CEP250: variants seen among roughly 807,000 people sequenced by gnomAD.
The protein encoded by CEP250 is centrosome-associated protein CEP250.
CEP250 carries 242 observed loss-of-function variants against 315.7 expected under a neutral mutation model. That is an observed-to-expected ratio of 0.77 (90% CI 0.69 to 0.85). The LOEUF (loss-of-function observed/expected upper bound fraction) is 0.85, where lower values mean the gene tolerates loss of function less well. CEP250 is among the 40% of genes least tolerant of loss of function. The pLI, the probability that CEP250 is intolerant of heterozygous loss-of-function variation, is 0.00. For synonymous variants in CEP250, 1,088 were observed against 1,175.0 expected (o/e 0.93, Z 1.51); for missense variants, 2,515 against 2,886.4 (o/e 0.87, Z 2.95).
chr20:35,457,624 C>CT (rs999273337), intron 1 of CEP250, among the ~76,000 whole-genome samples: 4 of 152,066 alleles, frequency 2.6e-5, no homozygotes, highest in Non-Finnish European at 5.9e-5. Flanking sequence ...TGGTGAAACT[C>CT]TGTCTCTACT....
Position 35,504,306 on chromosome 20 carries a change from GA to G in CEP250, c.5940del (p.Glu1981SerfsTer10), listed in dbSNP as rs773186736. ...GCAAGGCTCATGCTGCCCTGCAGGG[GA>G]AAGAGCAGCATCTCCTCGAGCAGGC... ...LGKAHAALQG[K>X]EQHLLEQAEL... On this transcript the variant is annotated frameshift_variant, in exon 30 of 35. Transcript: ENST00000397527. LOFTEE classifies it high-confidence loss of function. 6.3e-7 allele frequency: 1 copy of G among 1,588,626 alleles called. No individual in the cohort carries two copies. Among genetic ancestry groups the G allele is most frequent in the Non-Finnish European group, 8.6e-7 (1 of 1,167,858 alleles).
intron 20 of CEP250, among the ~76,000 whole-genome samples, chr20:35,483,097 G>GATCACCTGAGGTC (rs1449433247): frequency 1.3e-5 from 2 of 151,758 alleles, no homozygotes; most frequent in African/African-American, 4.8e-5. Flanking sequence ...GAGGTGGGCG[G>GATCACCTGAGGTC]ATCACCTGAG....
At position 35,500,062 on chromosome 20, in the gene CEP250, A is replaced by C; in HGVS notation, c.3791A>C (p.Asp1264Ala). 1 of 1,614,120 alleles carries C rather than the reference A, an allele frequency of 6.2e-7. No homozygotes were observed. The highest frequency in any genetic ancestry group is 2.2e-5 in the East Asian group (1 of 44,878). Residue 1264 changes from aspartate to alanine, a missense_variant, in exon 28 of 35, where the codon GAT becomes GCT. By Grantham distance (126) the Asp-to-Ala change is moderately radical. Coordinates refer to ENST00000397527, the MANE Select transcript of CEP250 (RefSeq NM_007186.6). ...TTCCTTTCCCAGGATGTTCTGAGGG[A>C]TCAGGTCCAGAAACTGGAAGAGCGT... ...KTQQTRDVLRDQVQKLEERLT... is the reference protein window; with the variant it reads ...KTQQTRDVLRAQVQKLEERLT...
chr20:35,469,825 C>T, intron 9 of CEP250, 65 bp from the exon 10 acceptor site: 2 of 1,081,898 alleles, frequency 1.8e-6, no homozygotes, highest in South Asian at 3.1e-5. Context: ...CTGGGGTGTG[C>T]TGCATCGTAG....
Position 35,511,678 on chromosome 20 carries a change from C to T in CEP250, c.*52C>T. 2 of 1,550,788 alleles carry T rather than the reference C, an allele frequency of 1.3e-6. No individual in the cohort carries two copies. The highest frequency in any genetic ancestry group is 1.2e-5 in the South Asian group (1 of 81,486). On this transcript the variant is annotated 3_prime_UTR_variant, in exon 35 of 35. Coordinates refer to ENST00000397527, the MANE Select transcript of CEP250 (RefSeq NM_007186.6). ...GAAGACTGTGTCATGGGTCATGGCC[C>T]CTCCGCACACCTACAGGTTTGCCAA...
intron 1 of CEP250, among the ~76,000 whole-genome samples, chr20:35,457,723 G>A (rs1191867253): frequency 2.0e-5 from 3 of 151,766 alleles, no homozygotes; most frequent in Admixed American, 1.3e-4. Context: ...TGCCTGAACC[G>A]GGGAGGCAGA....
At chr20:35,455,510 TGGGA>T (rs1454566134), upstream of CEP250, 1 of 152,342 alleles carries the variant, frequency 6.6e-6, no homozygotes, top group Non-Finnish European at 1.5e-5. Context: ...AATCCCAGGC[TGGGA>T]GGGTGAGGCG....
intron 25 of CEP250, 63 bp downstream of exon 25, chr20:35,496,778 A>G: frequency 6.4e-7 from 1 of 1,556,818 alleles, no homozygotes; most frequent in Non-Finnish European, 8.7e-7. Flanking sequence ...GAAGCGGTGG[A>G]TTGATTGCTC....
chr20:35,502,133 A>G (rs1395151074), intron 29 of CEP250, among the ~76,000 whole-genome samples, 167 bp downstream of exon 29: 2 of 152,090 alleles, frequency 1.3e-5, no homozygotes, highest in Non-Finnish European at 2.9e-5. Flanking sequence ...TCCTCCTTCA[A>G]TTGCTTTTTC....
chr20:35,507,499 T>C (rs1172468305), intron 30 of CEP250, among the ~76,000 whole-genome samples: 2 of 152,200 alleles, frequency 1.3e-5, no homozygotes, highest in African/African-American at 4.8e-5. Flanking sequence ...TGAAGTGAGC[T>C]GGGGGCTCTG....
intron 26 of CEP250, 89 bp downstream of exon 26, chr20:35,498,156 C>T (rs1255126988): frequency 1.0e-6 from 1 of 966,532 alleles, no homozygotes; most frequent in Non-Finnish European, 1.5e-6. Context: ...TTTGTTAGAC[C>T]ATATTGCTTC....
chr20:35,462,539 A>C lies in CEP250; in HGVS notation c.172A>C (p.Lys58Gln). The change falls in exon 4 of 35, where the codon AAG (lysine) becomes CAG (glutamine). Residue 58 changes from lysine to glutamine, a missense_variant. Physicochemically the swap from Lys to Gln is moderately conservative, Grantham distance 53. Transcript: ENST00000397527. ...GCAGAGACAAGCAACCCTTGTGAGG[A>C]AGCTGCAGGCCAAGGTGAGGCAGCT... Reference protein sequence around the residue: ...AQQRQATLVRKLQAKVLQYRS... With the variant: ...AQQRQATLVRQLQAKVLQYRS... 6.2e-7 allele frequency: 1 copy of C among 1,605,206 alleles called. No homozygotes were observed. The highest frequency in any genetic ancestry group is 1.7e-4 in the Middle Eastern group (1 of 6,040).
At chr20:35,470,389 C>G (rs1408852598) in intron 10 of CEP250, among the ~76,000 whole-genome samples, 1 of 152,120 alleles carries the variant, frequency 6.6e-6, no homozygotes, top group Admixed American at 6.5e-5. Context: ...AGCTTGAGGC[C>G]CTGTGAAGGC....
At chr20:35,509,405 T>C (rs75572854) in intron 33 of CEP250, among the ~76,000 whole-genome samples, 1 of 152,224 alleles carries the variant, frequency 6.6e-6, no homozygotes, top group Non-Finnish European at 1.5e-5. Flanking sequence ...AGGAGCTTGA[T>C]CACAGCTTGA....
At chr20:35,511,258 C>A in intron 34 of CEP250, 105 bp from the exon 35 acceptor site, 1 of 948,328 alleles carries the variant, frequency 1.1e-6, no homozygotes. Flanking sequence ...AGAGTTGATT[C>A]AGATGATCAG....
At chr20:35,510,552 C>T (rs1174359750) in intron 34 of CEP250, among the ~76,000 whole-genome samples, 1 of 152,238 alleles carries the variant, frequency 6.6e-6, no homozygotes, top group Admixed American at 6.5e-5. Flanking sequence ...GTCCACTCTC[C>T]CTTTCAAGTT....
chr20:35,477,758 T>C, intron 16 of CEP250, 113 bp from the exon 17 acceptor site: 1 of 845,432 alleles, frequency 1.2e-6, no homozygotes, highest in Non-Finnish European at 1.9e-6. Flanking sequence ...CACTCCTTTG[T>C]TCATCTTTGG....
rs34747030 is a variant in CEP250, at chr20:35,491,895, C to CAAA, written c.2889+570_2889+572dup. 1.8e-3 allele frequency among the ~76,000 whole-genome samples: 116 copies of CAAA among 63,244 alleles called. 6 individuals are homozygous for CAAA. Among genetic ancestry groups the CAAA allele is most frequent in the South Asian group, 3.9e-3 (5 of 1,298 alleles). 41.5% of individuals were successfully genotyped at this position (63,244 alleles called of 152,430 possible). ...CCAGCCTTGGTGATAGAGCGAGTCT[C>CAAA]AAAAAAAAAAAAAAAAAAAAAAAGG... On this transcript the variant is annotated intron_variant, in intron 22 of 34. Coordinates refer to ENST00000397527, the MANE Select transcript of CEP250 (RefSeq NM_007186.6).
Position 35,512,436 on chromosome 20 carries a change from A to G in CEP250, c.*810A>G, listed in dbSNP as rs1429983167. ...AAAAACACAGCGTTGACCTTTAGCT[A>G]AAGTCAGAGTCTCTGAGTTCAGAAG... On this transcript the variant is annotated 3_prime_UTR_variant, in exon 35 of 35. Coordinates refer to ENST00000397527, the MANE Select transcript of CEP250 (RefSeq NM_007186.6). 2.0e-5 allele frequency: 3 copies of G among 152,196 alleles called. No individual in the cohort carries two copies. The highest frequency in any genetic ancestry group is 2.9e-5 in the Non-Finnish European group (2 of 68,036). 9.4% of individuals were successfully genotyped at this position (152,196 alleles called of 1,614,324 possible).
Sources: gnomAD v4.1 joint callset for allele counts (sites outside exome capture counted in the v4.1 genomes callset) on GRCh38, gnomAD v4.1.1 for gene constraint, MANE v1.5 for transcripts, NCBI Gene and HGNC (gene_info 2026-07-23, HGNC 2026-07-21) for gene names.